Variants in CEP89 observed in about 807,000 individuals in gnomAD.
CEP89 encodes the protein centrosomal protein 89, also known as centrosomal protein of 89 kDa.
A neutral mutation model predicts 97.6 loss-of-function variants in CEP89; 95 were observed. That is an observed-to-expected ratio of 0.97 (90% CI 0.82 to 1.15). CEP89 has a LOEUF of 1.15. Among genes scored for constraint, CEP89 ranks in the 50% most tolerant of loss-of-function variants. The pLI, the probability that CEP89 is intolerant of heterozygous loss-of-function variation, is 0.00. For synonymous variants in CEP89, 354 were observed against 349.1 expected (o/e 1.01, Z -0.16); for missense variants, 869 against 947.7 (o/e 0.92, Z 1.09).
intron 5 of CEP89, among the ~76,000 whole-genome samples, chr19:32,943,758 T>C (rs1029363544): frequency 7.9e-5 from 12 of 151,524 alleles, no homozygotes; most frequent in Middle Eastern, 6.8e-3. Context: ...GTTGAGGAAA[T>C]AAAAGAACAG....
chr19:32,913,289 A>T (rs948276725), intron 14 of CEP89, among the ~76,000 whole-genome samples: 3 of 46,640 alleles, frequency 6.4e-5, no homozygotes, highest in Middle Eastern at 0.011. Flanking sequence ...AATAGCCACC[A>T]TATATATATA....
At chr19:32,904,880 A>G (rs1969857419) in intron 14 of CEP89, among the ~76,000 whole-genome samples, 1 of 152,202 alleles carries the variant, frequency 6.6e-6, no homozygotes, top group African/African-American at 2.4e-5. Context: ...GTAAGCCACC[A>G]GGCCTGGCCC....
Position 32,881,858 on chromosome 19 carries a change from C to T in CEP89, c.2121G>A (p.Ala707=), listed in dbSNP as rs533496556. The T allele has an allele frequency of 3.9e-5, 63 of 1,602,776 alleles. No homozygotes were observed. The South Asian group carries it at 4.1e-4, about 10-fold the overall frequency. Residue 707 remains alanine, a synonymous_variant, in exon 18 of 19, where the codon GCG becomes GCA. Coordinates refer to ENST00000305768, the MANE Select transcript of CEP89 (RefSeq NM_032816.5). ...LKDKQEVLDQ[A]LQQNREMEGE... Reference sequence around the variant, plus strand: ...GCATGCCCCACCTGTTCTGCTGCAGCGCCTGGTCCAGCACCTCCTGCTTGT... The same window carrying T: ...GCATGCCCCACCTGTTCTGCTGCAGTGCCTGGTCCAGCACCTCCTGCTTGT...
In CEP89 at chr19:32,877,601, A is replaced by G. The variant is rs1442745797; in HGVS notation, c.*1561T>C. On this transcript the variant is annotated 3_prime_UTR_variant, in exon 19 of 19. Transcript: ENST00000305768. ...TTAGCTCAAAGCCAGGGCTCTCATT[A>G]CATGGGTGGGGAGCTGTGTGGCTCC... 1 of 152,234 alleles carries G rather than the reference A, an allele frequency of 6.6e-6. No homozygotes were observed. The highest frequency in any genetic ancestry group is 1.5e-5 in the Non-Finnish European group (1 of 68,164). 9.4% of individuals were successfully genotyped at this position (152,234 alleles called of 1,614,324 possible). A position where few individuals can be genotyped will look rare whatever the true frequency, so the allele number is the denominator to read the frequency against.
intron 18 of CEP89, among the ~76,000 whole-genome samples, chr19:32,880,963 G>A (rs1236281427): frequency 6.6e-6 from 1 of 152,160 alleles, no homozygotes; most frequent in Non-Finnish European, 1.5e-5. Flanking sequence ...AGGATGTGAA[G>A]GACCCTCAAA....
At chr19:32,928,760 T>C (rs1488754617) in intron 9 of CEP89, among the ~76,000 whole-genome samples, 1 of 152,164 alleles carries the variant, frequency 6.6e-6, no homozygotes, top group Admixed American at 6.5e-5. Flanking sequence ...TTCTTTCTGG[T>C]ATTCTTGCCC....
chr19:32,962,687 CATAG>C (rs1347481650), intron 2 of CEP89, among the ~76,000 whole-genome samples: 1 of 152,060 alleles, frequency 6.6e-6, no homozygotes, highest in Non-Finnish European at 1.5e-5. Context: ...AAAGACAAGC[CATAG>C]ATAGAGAGAA....
At chr19:32,898,421 T>A (rs73049201) in intron 16 of CEP89, among the ~76,000 whole-genome samples, 2 of 151,990 alleles carry the variant, frequency 1.3e-5, no homozygotes, top group Non-Finnish European at 2.9e-5. Context: ...GGGGGGCAGG[T>A]GGCTGAATGA....
chr19:32,885,768 A>G (rs966600917), intron 17 of CEP89, among the ~76,000 whole-genome samples: 6 of 152,202 alleles, frequency 3.9e-5, no homozygotes, highest in African/African-American at 9.6e-5. Context: ...GTTACAGTTT[A>G]GAGCAGAATA....
intron 18 of CEP89, 73 bp downstream of exon 18, chr19:32,881,771 G>A: frequency 7.1e-7 from 1 of 1,400,640 alleles, no homozygotes; most frequent in South Asian, 1.3e-5. Context: ...AACAGGCCCA[G>A]AGGGTTTTAG....
chr19:32,971,624 T>TCTAG, intron 1 of CEP89: 1 of 610,596 alleles, frequency 1.6e-6, no homozygotes, highest in South Asian at 2.0e-5. Flanking sequence ...ACCACTGCAC[T>TCTAG]CTAGCCTGGG....
In CEP89 at chr19:32,933,575, A is replaced by C; in HGVS notation, c.762T>G (p.Asn254Lys). 5.6e-6 allele frequency: 9 copies of C among 1,612,810 alleles called. No homozygotes were observed. Among genetic ancestry groups the C allele is most frequent in the Non-Finnish European group, 7.6e-6 (9 of 1,179,004 alleles). ...KEENMDLNNMNQSLTLELNTM... is the reference protein window; with the variant it reads ...KEENMDLNNMKQSLTLELNTM... ...TGTTTAGTTCAAGGGTAAGGCTTTG[A>C]TTCATATTGTTTAGGTCCATATTTT... is the stretch of plus-strand genomic sequence containing the variant. Residue 254 changes from asparagine to lysine, a missense_variant, in exon 8 of 19, where the codon AAT (asparagine) becomes AAG (lysine). Transcript: ENST00000305768.
rs201760828 is a variant in CEP89 at position 32,968,619 on chromosome 19, A to AT, written c.40-2154dup. Among the ~76,000 whole-genome samples the AT allele has an allele frequency of 2.3e-3, 339 of 147,784 alleles. 9 individuals carry two copies. In the East Asian group the frequency reaches 0.038, roughly 17 times the overall value. ...AGGTCCTCCAAAAAGGCTGCATAAG[A>AT]TTTTTTTTTTTTAAAGAGTGAATCC... On this transcript the variant is annotated intron_variant, in intron 1 of 18. Transcript: ENST00000305768.
chr19:32,918,497 T>C (rs1321774072), intron 12 of CEP89, among the ~76,000 whole-genome samples, 158 bp from the exon 13 acceptor site: 1 of 152,222 alleles, frequency 6.6e-6, no homozygotes, highest in Non-Finnish European at 1.5e-5. Context: ...AATCCTGCCA[T>C]TTGCAGTCAG....
At chr19:32,929,432 T>C (rs945605955) in intron 9 of CEP89, among the ~76,000 whole-genome samples, 1 of 151,994 alleles carries the variant, frequency 6.6e-6, no homozygotes, top group Non-Finnish European at 1.5e-5. Flanking sequence ...TGAAACCCTA[T>C]CTCTACTAAA....
intron 2 of CEP89, among the ~76,000 whole-genome samples, chr19:32,965,206 T>C (rs996618533): frequency 2.0e-5 from 3 of 152,074 alleles, no homozygotes; most frequent in African/African-American, 7.2e-5. Context: ...CAAGACCAAC[T>C]TGGGCAACAT....
rs150132476 is a variant in CEP89 at position 32,913,764 on chromosome 19, G to T, written c.1565+1573C>A. Among the ~76,000 whole-genome samples the T allele has an allele frequency of 6.4e-3, 971 of 151,016 alleles. 8 individuals carry two copies. Among genetic ancestry groups the T allele is most frequent in the African/African-American group, 0.022 (907 of 41,076 alleles). On this transcript the variant is annotated intron_variant, in intron 14 of 18. Coordinates refer to ENST00000305768, the MANE Select transcript of CEP89 (RefSeq NM_032816.5). ...AGCAATTCTCCTGCCTCAGCCTCCC[G>T]AGTAGCTGGGATTACAGGTGCCTGC...
rs1355413586 is a variant in CEP89 at position 32,936,321 on chromosome 19, G to A, written c.667+1310C>T. ...AGACTTTGGGCACCCATGAGCACAGGAGGGAAAGACAAGGGGGTGCTGAGG... is the reference window on the plus strand; with the variant it reads ...AGACTTTGGGCACCCATGAGCACAGAAGGGAAAGACAAGGGGGTGCTGAGG... On this transcript the variant is annotated intron_variant, in intron 7 of 18. Coordinates refer to ENST00000305768, the MANE Select transcript of CEP89 (RefSeq NM_032816.5). The surrounding 1 kb of genome is among the most constrained non-coding windows in gnomAD (Gnocchi z 4.5). Among the ~76,000 whole-genome samples the A allele has an allele frequency of 6.6e-6, 1 of 152,208 alleles. No homozygotes were observed. The highest frequency in any genetic ancestry group is 1.9e-4 in the East Asian group (1 of 5,178).
At chr19:32,888,402 T>C (rs1480345705) in intron 16 of CEP89, among the ~76,000 whole-genome samples, 1 of 152,180 alleles carries the variant, frequency 6.6e-6, no homozygotes, top group Admixed American at 6.5e-5. Flanking sequence ...ATAAAATAAG[T>C]AATGGTGAGC....
Sources: allele counts gnomAD v4.1 joint callset (sites outside exome capture counted in the v4.1 genomes callset), GRCh38; gene constraint gnomAD v4.1.1; non-coding constraint Gnocchi (gnomAD v3.1); transcripts MANE v1.5; gene names NCBI Gene and HGNC (gene_info 2026-07-23, HGNC 2026-07-21).